ATP2B1: variants seen among roughly 807,000 people sequenced by gnomAD.
ATP2B1 encodes plasma membrane calcium-transporting ATPase 1.
A neutral mutation model predicts 124.2 loss-of-function variants in ATP2B1; 14 were observed. The ratio of observed to expected loss-of-function variants is 0.11; its 90% CI spans 0.07 to 0.18. The LOEUF is 0.18. Ranked by LOEUF, ATP2B1 falls within the 10% of genes least tolerant of loss-of-function variation. The pLI, the probability that ATP2B1 is intolerant of heterozygous loss-of-function variation, is 1.00. For synonymous variants in ATP2B1, 449 were observed against 492.4 expected, an observed-to-expected ratio of 0.91 and a Z score of 1.17; for missense variants, 763 against 1,466.1, an observed-to-expected ratio of 0.52 and a Z score of 7.83.
At chr12:89,617,879 A>G (rs1029291043) in intron 11 of ATP2B1, among the ~76,000 whole-genome samples, 7 of 152,148 alleles carry the variant, frequency 4.6e-5, no homozygotes, top group Admixed American at 2.0e-4. Flanking sequence ...TTTTGATGTA[A>G]GTCTAAAATT....
intron 3 of ATP2B1, among the ~76,000 whole-genome samples, chr12:89,635,747 T>C (rs1329278356): frequency 6.6e-6 from 1 of 152,216 alleles, no homozygotes; most frequent in Non-Finnish European, 1.5e-5. Flanking sequence ...AACCCATGAA[T>C]CATGCTTATT....
At chr12:89,609,843 TA>T in intron 15 of ATP2B1, 93 bp downstream of exon 15, 1 of 1,172,744 alleles carries the variant, frequency 8.5e-7, no homozygotes, top group Non-Finnish European at 1.2e-6. Context: ...GGACAGTGTT[TA>T]AAATCCATAG....
intron 1 of ATP2B1, among the ~76,000 whole-genome samples, chr12:89,678,115 A>T (rs1156642051): frequency 6.6e-6 from 1 of 151,728 alleles, no homozygotes; most frequent in Non-Finnish European, 1.5e-5. Flanking sequence ...AGATTTTTAC[A>T]CACTGACTAC....
At chr12:89,697,649 T>C (rs1347709539) in intron 1 of ATP2B1, among the ~76,000 whole-genome samples, 1 of 150,746 alleles carries the variant, frequency 6.6e-6, no homozygotes, top group Admixed American at 6.6e-5. Flanking sequence ...AAAGTCTGTT[T>C]AGGAAAACAA....
chr12:89,689,824 G>C (rs1194475986), intron 1 of ATP2B1, among the ~76,000 whole-genome samples: 1 of 152,002 alleles, frequency 6.6e-6, no homozygotes, highest in African/African-American at 2.4e-5. Flanking sequence ...CAGAAGTTTA[G>C]CAAATATTTT....
chr12:89,679,008 T>G (rs1222453555), intron 1 of ATP2B1, among the ~76,000 whole-genome samples: 1 of 152,134 alleles, frequency 6.6e-6, no homozygotes, highest in African/African-American at 2.4e-5. Flanking sequence ...TTCTAGTTTG[T>G]ACCTCTTGGT....
intron 10 of ATP2B1, among the ~76,000 whole-genome samples, chr12:89,620,791 T>C (rs779165583): frequency 2.0e-5 from 3 of 152,170 alleles, no homozygotes; most frequent in Non-Finnish European, 2.9e-5. Context: ...GATGTGATCA[T>C]CTTTACTCAG....
intron 10 of ATP2B1, among the ~76,000 whole-genome samples, chr12:89,620,498 A>G (rs1042561463): frequency 1.1e-4 from 17 of 152,198 alleles, no homozygotes; most frequent in Non-Finnish European, 2.4e-4. Flanking sequence ...TGGCTTCAGC[A>G]TCTGTAAAAT....
At chr12:89,631,106 CTT>C (rs1377750610) in intron 5 of ATP2B1, among the ~76,000 whole-genome samples, 2 of 152,182 alleles carry the variant, frequency 1.3e-5, no homozygotes, top group East Asian at 1.9e-4. Context: ...TTAAATAAAA[CTT>C]ATTTCTTGTG....
At chr12:89,605,848 TGA>T (rs1418269254) in intron 15 of ATP2B1, among the ~76,000 whole-genome samples, 1 of 152,206 alleles carries the variant, frequency 6.6e-6, no homozygotes, top group Non-Finnish European at 1.5e-5. Flanking sequence ...TGAAAGATGC[TGA>T]GAGACGTATC....
intron 1 of ATP2B1, among the ~76,000 whole-genome samples, chr12:89,689,074 T>C (rs1202918569): frequency 6.6e-6 from 1 of 152,130 alleles, no homozygotes; most frequent in Non-Finnish European, 1.5e-5. Context: ...CCACCTATTC[T>C]GATTGGCAAT....
At chr12:89,650,701 CCT>C (rs1259511065) in intron 2 of ATP2B1, among the ~76,000 whole-genome samples, 1 of 152,120 alleles carries the variant, frequency 6.6e-6, no homozygotes, top group Non-Finnish European at 1.5e-5. Context: ...AAAATGAATT[CCT>C]TTTTTAATGT....
intron 2 of ATP2B1, among the ~76,000 whole-genome samples, chr12:89,644,898 A>G (rs1884206727): frequency 6.6e-6 from 1 of 152,246 alleles, no homozygotes; most frequent in Non-Finnish European, 1.5e-5. Context: ...ACAGCCACAG[A>G]GCTAAAGATA....
chr12:89,641,171 G>A (rs1248717381), intron 3 of ATP2B1, among the ~76,000 whole-genome samples: 1 of 151,998 alleles, frequency 6.6e-6, no homozygotes, highest in Non-Finnish European at 1.5e-5. Context: ...TTTCCTACCA[G>A]TTACAGAATC....
intron 1 of ATP2B1, among the ~76,000 whole-genome samples, chr12:89,696,842 A>G (rs1220972097): frequency 6.6e-6 from 1 of 152,162 alleles, no homozygotes; most frequent in African/African-American, 2.4e-5. Context: ...ATATGTGTAA[A>G]TTGCTTTGAA....
At chr12:89,593,503 G>A (rs1272607824) in intron 20 of ATP2B1, 2 of 151,982 alleles carry the variant, frequency 1.3e-5, no homozygotes, top group Non-Finnish European at 2.9e-5. Flanking sequence ...GTTTTTCTTT[G>A]TAATCAGTCG....
intron 2 of ATP2B1, among the ~76,000 whole-genome samples, chr12:89,649,418 T>C (rs1884946555): frequency 6.6e-6 from 1 of 152,242 alleles, no homozygotes; most frequent in Non-Finnish European, 1.5e-5. Context: ...CTCTAATGAC[T>C]GTCCTGTTGG....
chr12:89,666,066 TTGA>T (rs916126780), intron 1 of ATP2B1, among the ~76,000 whole-genome samples: 12 of 152,238 alleles, frequency 7.9e-5, no homozygotes, highest in Non-Finnish European at 1.6e-4. Context: ...AGTTTCATAG[TTGA>T]TGATCTTTTG....
At chr12:89,694,631 G>C (rs531294827) in intron 1 of ATP2B1, among the ~76,000 whole-genome samples, 10 of 152,286 alleles carry the variant, frequency 6.6e-5, no homozygotes, top group African/African-American at 2.4e-4. Flanking sequence ...GGAGGAGCAA[G>C]TCCAACATTA....
Sources: gnomAD v4.1 joint callset for allele counts (sites outside exome capture counted in the v4.1 genomes callset) on GRCh38, gnomAD v4.1.1 for gene constraint, MANE v1.5 for transcripts, NCBI Gene and HGNC (gene_info 2026-07-23, HGNC 2026-07-21) for gene names.